Variants in ZNF469 observed in about 807,000 individuals in gnomAD.
ZNF469 encodes zinc finger protein 469.
In ZNF469, 1 loss-of-function variant was observed where a neutral mutation model predicts 1.0. That is an observed-to-expected ratio of 1.00 (90% confidence interval 0.35 to 4.73). The LOEUF (loss-of-function observed/expected upper bound fraction) is 4.73, where lower values mean the gene tolerates loss of function less well. Ranked by LOEUF, ZNF469 falls within the 30% of genes most tolerant of loss-of-function variation. ZNF469 has a pLI of 0.16. For synonymous variants in ZNF469, 2,703 were observed against 2,363.4 expected (o/e 1.14, Z -4.17); for missense variants, 6,100 against 5,356.3 (o/e 1.14, Z -4.33).
At chr16:88,286,791 G>T in the ZNF469 span, among the ~76,000 whole-genome samples, 4 of 152,224 alleles carry the variant, frequency 2.6e-5, no homozygotes, top group Non-Finnish European at 4.4e-5. Context: ...CTGCCCTGTG[G>T]CCCTGTCCTG....
intron 1 of ZNF469, among the ~76,000 whole-genome samples, chr16:88,412,266 G>A (rs533079434): frequency 3.9e-5 from 6 of 152,208 alleles, no homozygotes; most frequent in South Asian, 2.1e-4. Context: ...AGGCCTCTGC[G>A]CAGCCTCAGA....
At chr16:88,303,133 G>T in the ZNF469 span, among the ~76,000 whole-genome samples, 54 of 152,282 alleles carry the variant, frequency 3.5e-4, 1 homozygote, top group Middle Eastern at 3.4e-3. Context: ...TGTGAGCTCT[G>T]GGCCTGATAG....
upstream of ZNF469, among the ~76,000 whole-genome samples, chr16:88,382,447 G>A (rs750739389): frequency 9.2e-5 from 14 of 152,250 alleles, no homozygotes; most frequent in Admixed American, 3.3e-4. Context: ...AAGGGACCCA[G>A]AGTGGAGACA....
the ZNF469 span, among the ~76,000 whole-genome samples, chr16:88,163,936 A>G: frequency 1.3e-5 from 2 of 149,852 alleles, no homozygotes; most frequent in African/African-American, 4.9e-5. Context: ...GGATGGATGA[A>G]TGGCTGGGTG....
the ZNF469 span, among the ~76,000 whole-genome samples, chr16:88,337,264 T>C: frequency 2.4e-4 from 37 of 152,248 alleles, 1 homozygote; most frequent in African/African-American, 8.2e-4. Flanking sequence ...GGGCGGGCCT[T>C]TCCCATGCTG....
the ZNF469 span, among the ~76,000 whole-genome samples, chr16:88,107,708 G>A: frequency 1.3e-5 from 2 of 152,354 alleles, no homozygotes; most frequent in South Asian, 4.1e-4. Flanking sequence ...CAGAGGCAAT[G>A]GCCCTGGGAC....
intron 1 of ZNF469, among the ~76,000 whole-genome samples, chr16:88,405,223 C>A (rs1242664518): frequency 1.3e-5 from 2 of 152,184 alleles, no homozygotes; most frequent in Non-Finnish European, 2.9e-5. Context: ...GAGAGCAGAG[C>A]AAGAGCATCT....
intron 1 of ZNF469, among the ~76,000 whole-genome samples, chr16:88,406,128 A>T (rs1905022601): frequency 6.6e-6 from 1 of 152,248 alleles, no homozygotes; most frequent in African/African-American, 2.4e-5. Flanking sequence ...GTGTCCAGCC[A>T]GGCCCGACGA....
the ZNF469 span, among the ~76,000 whole-genome samples, chr16:88,150,437 AAGCCAT>A: frequency 4.2e-4 from 64 of 152,350 alleles, no homozygotes; most frequent in Non-Finnish European, 7.5e-4. Flanking sequence ...TTCGAAGGGC[AAGCCAT>A]AGCATCTGGG....
At chr16:88,222,752 C>G in the ZNF469 span, among the ~76,000 whole-genome samples, 1 of 126,560 alleles carries the variant, frequency 7.9e-6, no homozygotes, top group Non-Finnish European at 1.8e-5. Flanking sequence ...AGCGAGACTC[C>G]ATCCCGAAAA....
chr16:88,349,842 A>ACCTTACACC, the ZNF469 span, among the ~76,000 whole-genome samples: 1 of 143,780 alleles, frequency 7.0e-6, no homozygotes, highest in East Asian at 2.5e-4. Context: ...CACCATACAC[A>ACCTTACACC]CCACACACAA....
At chr16:88,128,298 T>G in the ZNF469 span, among the ~76,000 whole-genome samples, 1 of 152,036 alleles carries the variant, frequency 6.6e-6, no homozygotes, top group Non-Finnish European at 1.5e-5. Context: ...CTGGGTAACT[T>G]GGGGCACAGG....
the ZNF469 span, among the ~76,000 whole-genome samples, chr16:88,249,340 A>G: frequency 0.29 from 42,748 of 147,750 alleles, 7,283 homozygotes; most frequent in Middle Eastern, 0.46. Flanking sequence ...CCATCCTCCC[A>G]CTTTAGCCTC....
chr16:88,364,597 A>C, the ZNF469 span, among the ~76,000 whole-genome samples: 1 of 151,718 alleles, frequency 6.6e-6, no homozygotes, highest in African/African-American at 2.4e-5. Flanking sequence ...AGAGTCTTCC[A>C]GTCCATGAAT....
chr16:88,117,070 T>G, the ZNF469 span, among the ~76,000 whole-genome samples: 1 of 152,088 alleles, frequency 6.6e-6, no homozygotes, highest in Non-Finnish European at 1.5e-5. Context: ...GCTGCTGTGT[T>G]GGCACGCCTG....
chr16:88,406,324 A>G (rs2068711166), intron 1 of ZNF469, among the ~76,000 whole-genome samples: 1 of 152,064 alleles, frequency 6.6e-6, no homozygotes, highest in Non-Finnish European at 1.5e-5. Context: ...GTGTGTGTGG[A>G]ATGTGTCTCA....
the ZNF469 span, among the ~76,000 whole-genome samples, chr16:88,229,291 C>T: frequency 2.6e-5 from 4 of 152,362 alleles, no homozygotes; most frequent in African/African-American, 7.2e-5. Flanking sequence ...CAGCCTCCTC[C>T]GCGAGCAGCC....
rs568314844 is a variant in ZNF469, at chr16:88,435,432, T to C, written c.7962T>C (p.Asp2654=). 1 of 1,550,160 alleles carries C rather than the reference T, an allele frequency of 6.5e-7. No individual in the cohort carries two copies. Among genetic ancestry groups the C allele is most frequent in the East Asian group, 2.4e-5 (1 of 40,918 alleles). The change falls in exon 3 of 3, where the codon GAT becomes GAC. Residue 2654 remains aspartate (D), a synonymous_variant. Coordinates refer to ENST00000565624, the MANE Select transcript of ZNF469 (RefSeq NM_001367624.2). ...REESILPVSA[D]VISDGRGSRP... Reference sequence around the variant, plus strand: ...AGAGCATTCTTCCAGTCTCTGCTGATGTGATTTCAGATGGGCGCGGCTCCA... The same window carrying C: ...AGAGCATTCTTCCAGTCTCTGCTGACGTGATTTCAGATGGGCGCGGCTCCA...
At chr16:88,114,093 C>T in the ZNF469 span, among the ~76,000 whole-genome samples, 1 of 151,856 alleles carries the variant, frequency 6.6e-6, no homozygotes, top group Admixed American at 6.6e-5. Context: ...CTTTGCAAGT[C>T]CCTCCACCTC....
Sources: gnomAD v4.1 joint callset for allele counts (sites outside exome capture counted in the v4.1 genomes callset) on GRCh38, gnomAD v4.1.1 for gene constraint, MANE v1.5 for transcripts, NCBI Gene and HGNC (gene_info 2026-07-23, HGNC 2026-07-21) for gene names.